The following PALM2AKAP2 variants were observed in gnomAD, a reference collection of about 807,000 sequenced individuals.
PALM2AKAP2 encodes PALM2-AKAP2 fusion protein.
A neutral mutation model predicts 71.5 loss-of-function variants in PALM2AKAP2; 37 were observed. That is an observed-to-expected ratio of 0.52 (90% CI 0.40 to 0.68). PALM2AKAP2 has a LOEUF of 0.68. Ranked by LOEUF, PALM2AKAP2 falls within the 30% of genes least tolerant of loss-of-function variation. The probability of loss-of-function intolerance (pLI) is 0.00; values close to 1 mark genes in which losing one functional copy is unlikely to be tolerated. For synonymous variants in PALM2AKAP2, 468 were observed against 478.8 expected, an observed-to-expected ratio of 0.98 and a Z score of 0.29; for missense variants, 1,224 against 1,191.8, an observed-to-expected ratio of 1.03 and a Z score of -0.40.
rs181942549 is a variant in PALM2AKAP2, at chr9:109,929,889, A to G, written c.395-2038A>G. On this transcript the variant is annotated intron_variant, in intron 5 of 9. Coordinates refer to the PALM2AKAP2 transcript ENST00000302798. ...AAAAAAAAAAAAAAAAAAAAAAAAGAGAGAGAATCATGGAGGTGCAGTTCA... is the reference window on the plus strand; with the variant it reads ...AAAAAAAAAAAAAAAAAAAAAAAAGGGAGAGAATCATGGAGGTGCAGTTCA... 4.3e-3 allele frequency among the ~76,000 whole-genome samples: 612 copies of G among 142,786 alleles called. 4 individuals carry two copies. Among genetic ancestry groups the G allele is most frequent in the South Asian group, 0.032 (144 of 4,470 alleles). The allele number at this position is 142,786 out of a possible 152,430, so 93.7% of individuals were successfully genotyped here.
intron 6 of PALM2AKAP2, among the ~76,000 whole-genome samples, chr9:109,981,639 TTTG>T (rs1213720958): frequency 9.9e-5 from 15 of 152,234 alleles, no homozygotes; most frequent in Non-Finnish European, 1.6e-4. Flanking sequence ...GAGGTTTTGT[TTTG>T]TTGTTGTTGT....
Position 110,005,106 on chromosome 9 carries a change from T to A in PALM2AKAP2, c.497-10848T>A, listed in dbSNP as rs921041911. On this transcript the variant is annotated intron_variant, in intron 6 of 9. Coordinates refer to the PALM2AKAP2 transcript ENST00000302798. The stretch of plus-strand genomic sequence containing the variant: ...CTTTGGGGGAGGAGAGGTGCTCTGA[T>A]TTTTAGAGTTTCCAGTTCTTCTGCT... Among the ~76,000 whole-genome samples, 5 of 152,234 alleles carry A rather than the reference T, an allele frequency of 3.3e-5. No homozygotes were observed. In the South Asian group the frequency reaches 6.2e-4, roughly 19 times the overall value.
chr9:109,752,881 A>G (rs995007267), intron 1 of PALM2AKAP2, among the ~76,000 whole-genome samples: 6 of 152,184 alleles, frequency 3.9e-5, no homozygotes, highest in Non-Finnish European at 5.9e-5. Context: ...TCCTGAACAT[A>G]AAGAGTAGCA....
chr9:109,975,907 T>G (rs1269465283), intron 6 of PALM2AKAP2, among the ~76,000 whole-genome samples: 1 of 152,252 alleles, frequency 6.6e-6, no homozygotes, highest in Non-Finnish European at 1.5e-5. Flanking sequence ...TAAGCAAGTA[T>G]GTCCCATGCC....
At position 109,949,088 on chromosome 9, in the gene PALM2AKAP2, G is replaced by A. The variant is rs1213617614; in HGVS notation, c.496+17060G>A. On this transcript the variant is annotated intron_variant, in intron 6 of 9. Transcript: ENST00000302798. ...ATTGAGGCAGAACCTTGCAGGTGTG[G>A]CCCAAAGGGGCTAAAGTGGGCATAG... Among the ~76,000 whole-genome samples the A allele has an allele frequency of 3.9e-5, 6 of 152,340 alleles. No individual in the cohort carries two copies. The East Asian group carries it at 1.2e-3, about 29-fold the overall frequency.
At chr9:110,115,004 C>A (rs1835333729) in intron 1 of PALM2AKAP2, among the ~76,000 whole-genome samples, 1 of 152,162 alleles carries the variant, frequency 6.6e-6, no homozygotes, top group South Asian at 2.1e-4. Context: ...CTCCCCGTAT[C>A]CCTGCTGGCT....
At chr9:110,061,890 G>C (rs974675434) in intron 1 of PALM2AKAP2, among the ~76,000 whole-genome samples, 7 of 108,654 alleles carry the variant, frequency 6.4e-5, no homozygotes, top group Non-Finnish European at 1.2e-4. Context: ...CAAGGGTTTA[G>C]GGCAAGGGTA....
intron 1 of PALM2AKAP2, among the ~76,000 whole-genome samples, chr9:109,669,292 A>C (rs566565698): frequency 5.3e-5 from 8 of 151,670 alleles, no homozygotes; most frequent in African/African-American, 1.9e-4. Context: ...AATACATGTT[A>C]CATTTGTCAT....
At chr9:110,169,349 G>A (rs1229668575) in exon 4 of PALM2AKAP2, 4 of 152,392 alleles carry the variant, frequency 2.6e-5, no homozygotes, top group East Asian at 3.9e-4. Flanking sequence ...GTATATACAC[G>A]TATAGAATCT....
intron 1 of PALM2AKAP2, among the ~76,000 whole-genome samples, chr9:109,653,634 C>T (rs1646334074): frequency 6.6e-6 from 1 of 152,122 alleles, no homozygotes; most frequent in African/African-American, 2.4e-5. Context: ...AAAAGCAGAT[C>T]CTGATTCTGT....
chr9:109,806,220 T>G (rs946612963), intron 1 of PALM2AKAP2, among the ~76,000 whole-genome samples: 2 of 152,370 alleles, frequency 1.3e-5, no homozygotes, highest in African/African-American at 4.8e-5. Flanking sequence ...AAAAACAATT[T>G]TCTTTTTGAT....
chr9:109,735,542 C>T (rs1361340701), intron 1 of PALM2AKAP2, among the ~76,000 whole-genome samples: 1 of 152,080 alleles, frequency 6.6e-6, no homozygotes, highest in Non-Finnish European at 1.5e-5. Flanking sequence ...TAGAAAAAGA[C>T]TAAATGAAAT....
chr9:109,903,278 T>C (rs1587996830), intron 3 of PALM2AKAP2, among the ~76,000 whole-genome samples: 1 of 151,854 alleles, frequency 6.6e-6, no homozygotes, highest in East Asian at 1.9e-4. Context: ...GACTGGCCTT[T>C]GGTGGCAGGG....
chr9:109,994,327 G>C (rs1216170899), intron 6 of PALM2AKAP2, among the ~76,000 whole-genome samples: 1 of 152,190 alleles, frequency 6.6e-6, no homozygotes, highest in African/African-American at 2.4e-5. Flanking sequence ...CAAAAGACTA[G>C]ACAAACAGTA....
Position 110,160,741 on chromosome 9 carries a change from G to A in PALM2AKAP2, c.2748+4244G>A, listed in dbSNP as rs149859078. Among the ~76,000 whole-genome samples, 15 of 152,260 alleles carry A rather than the reference G, an allele frequency of 9.9e-5. No homozygotes were observed. In the East Asian group the frequency reaches 2.9e-3, roughly 29 times the overall value. On this transcript the variant is annotated intron_variant, in intron 3 of 3. Transcript: ENST00000374525. Reference sequence around the variant, plus strand: ...TTGCTTTGCCTTTCTCAGTTGAAGGGATGCTGACCAGAGTCCAAATCACAG... The same window carrying A: ...TTGCTTTGCCTTTCTCAGTTGAAGGAATGCTGACCAGAGTCCAAATCACAG...
chr9:109,769,222 C>A (rs1829215036), intron 1 of PALM2AKAP2, among the ~76,000 whole-genome samples: 1 of 152,044 alleles, frequency 6.6e-6, no homozygotes, highest in Non-Finnish European at 1.5e-5. Flanking sequence ...ATTATTTTTC[C>A]CACCAATGGT....
chr9:110,103,835 C>G (rs1195860200), intron 1 of PALM2AKAP2, among the ~76,000 whole-genome samples: 1 of 152,182 alleles, frequency 6.6e-6, no homozygotes, highest in African/African-American at 2.4e-5. Flanking sequence ...TTCCCAGAGC[C>G]TCTTTGAACA....
chr9:109,887,045 C>T (rs2131792541), intron 3 of PALM2AKAP2, among the ~76,000 whole-genome samples: 1 of 152,328 alleles, frequency 6.6e-6, no homozygotes, highest in East Asian at 1.9e-4. Flanking sequence ...ACCTGTGATT[C>T]TCTGAGTACC....
intron 3 of PALM2AKAP2, among the ~76,000 whole-genome samples, chr9:109,903,724 G>A (rs1830380324): frequency 6.6e-6 from 1 of 151,688 alleles, no homozygotes; most frequent in Non-Finnish European, 1.5e-5. Flanking sequence ...GACTTCACCT[G>A]CCACTAGATG....
Sources: gnomAD v4.1 joint callset for allele counts (sites outside exome capture counted in the v4.1 genomes callset) on GRCh38, gnomAD v4.1.1 for gene constraint, MANE v1.5 for transcripts, NCBI Gene and HGNC (gene_info 2026-07-23, HGNC 2026-07-21) for gene names.